The following PAK3 variants were observed in gnomAD, a reference collection of about 807,000 sequenced individuals.
PAK3 encodes p21 (RAC1) activated kinase 3, also known as serine/threonine-protein kinase PAK 3.
A neutral mutation model predicts 41.0 loss-of-function variants in PAK3; 4 were observed. That is an observed-to-expected ratio of 0.10 (90% CI 0.05 to 0.22). The LOEUF (loss-of-function observed/expected upper bound fraction) is 0.22, where lower values mean the gene tolerates loss of function less well. PAK3 is among the 10% of genes least tolerant of loss of function. The pLI, the probability that PAK3 is intolerant of heterozygous loss-of-function variation, is 1.00. For missense variants in PAK3, 205 were observed against 409.9 expected, an observed-to-expected ratio of 0.50 and a Z score of 4.32; for synonymous variants, 146 against 139.6, an observed-to-expected ratio of 1.05 and a Z score of -0.32.
intron 8 of PAK3, among the ~76,000 whole-genome samples, chrX:111,155,484 G>C (rs2094093246): frequency 9.7e-6 from 1 of 102,983 alleles, no homozygotes; most frequent in South Asian, 4.7e-4. Flanking sequence ...CTGGGTGACA[G>C]AGCAAAACCC....
intron 16 of PAK3, among the ~76,000 whole-genome samples, chrX:111,213,529 AAT>A (rs2094843549): frequency 8.9e-6 from 1 of 112,279 alleles, no homozygotes; most frequent in East Asian, 2.8e-4. Context: ...TGTGGAATAG[AAT>A]ATATTAAGCT....
At chrX:111,081,498 CTGT>C (rs2092834794) in intron 1 of PAK3, among the ~76,000 whole-genome samples, 1 of 110,473 alleles carries the variant, frequency 9.1e-6, no homozygotes, top group Non-Finnish European at 1.9e-5. Context: ...GATTGAGACC[CTGT>C]CACAGGGTCT....
Position 110,960,537 on chromosome X carries a change from G to C in PAK3, c.-28+15909G>C, listed in dbSNP as rs888112007. Among the ~76,000 whole-genome samples, 7 of 111,516 alleles carry C rather than the reference G, an allele frequency of 6.3e-5. 1 individual carries two copies. Among genetic ancestry groups the C allele is most frequent in the African/African-American group, 9.8e-5 (3 of 30,647 alleles). ...AAGTCTAGCTTAAGCTGAGTTAGAA[G>C]GTGAGGTCAAGGAGGTAACATGGAG... On this transcript the variant is annotated intron_variant, in intron 1 of 14. Transcript: ENST00000425146.
intron 1 of PAK3, among the ~76,000 whole-genome samples, chrX:111,047,723 G>A (rs2092513615): frequency 9.0e-6 from 1 of 111,374 alleles, no homozygotes; most frequent in Non-Finnish European, 1.9e-5. Flanking sequence ...TATTTAGGAG[G>A]CCATGGGGAA....
At chrX:111,217,482 C>T in intron 17 of PAK3, 2 of 959,650 alleles carry the variant, frequency 2.1e-6, no homozygotes, top group Non-Finnish European at 2.7e-6. Context: ...GCGCATTAAC[C>T]ACAGATTGTC....
chrX:111,148,283 A>G (rs73264383), intron 7 of PAK3, among the ~76,000 whole-genome samples: 1 of 111,766 alleles, frequency 8.9e-6, no homozygotes, highest in Admixed American at 9.4e-5. Context: ...TTACACCATG[A>G]TGACACAGCA....
At chrX:110,973,766 T>G (rs947051007) in intron 1 of PAK3, among the ~76,000 whole-genome samples, 1 of 111,981 alleles carries the variant, frequency 8.9e-6, no homozygotes, top group African/African-American at 3.2e-5. Context: ...AGACACAGAC[T>G]GGCAAATTGG....
chrX:111,193,782 A>C (rs2094585055), intron 13 of PAK3, among the ~76,000 whole-genome samples: 1 of 111,177 alleles, frequency 9.0e-6, no homozygotes, highest in Non-Finnish European at 1.9e-5. Context: ...CAAAAACAAA[A>C]AAAAACAAAA....
At chrX:111,166,094 C>T (rs905999589) in intron 10 of PAK3, among the ~76,000 whole-genome samples, 5 of 110,798 alleles carry the variant, frequency 4.5e-5, no homozygotes, top group African/African-American at 1.6e-4. Flanking sequence ...CAGGGTGAAC[C>T]TGCTGAGAAG....
intron 1 of PAK3, among the ~76,000 whole-genome samples, chrX:111,038,776 T>C (rs963489118): frequency 6.2e-5 from 7 of 112,330 alleles, no homozygotes; most frequent in Non-Finnish European, 1.1e-4. Flanking sequence ...AAATCTTTAA[T>C]GTTTATAATT....
rs1337325843 is a variant in PAK3 at position 111,125,192 on chromosome X, A to G, written c.175+1914A>G. 2.7e-5 allele frequency among the ~76,000 whole-genome samples: 3 copies of G among 112,026 alleles called. No individual in the cohort carries two copies. In the South Asian group the frequency reaches 1.1e-3, roughly 42 times the overall value. On this transcript the variant is annotated intron_variant, in intron 5 of 17. Coordinates refer to ENST00000372007, the MANE Select transcript of PAK3 (RefSeq NM_002578.5). ...GATTTTTAATGGGTTTTCAGGAGATAACTTCCCAAAGAGGCATTAGATAGT... is the reference window on the plus strand; with the variant it reads ...GATTTTTAATGGGTTTTCAGGAGATGACTTCCCAAAGAGGCATTAGATAGT...
intron 1 of PAK3, among the ~76,000 whole-genome samples, chrX:111,059,109 G>A (rs1431448493): frequency 2.3e-5 from 2 of 86,662 alleles, no homozygotes; most frequent in Admixed American, 1.5e-4. Flanking sequence ...TGAATTTTAG[G>A]ATCAACTTTT....
intron 16 of PAK3, among the ~76,000 whole-genome samples, chrX:111,197,019 A>G (rs539513714): frequency 3.7e-5 from 4 of 108,611 alleles, no homozygotes; most frequent in Middle Eastern, 4.7e-3. Flanking sequence ...AGATTATTTC[A>G]TCTCCCAGGT....
chrX:111,174,426 C>A (rs2094383378), intron 11 of PAK3, among the ~76,000 whole-genome samples: 1 of 111,242 alleles, frequency 9.0e-6, no homozygotes, highest in Non-Finnish European at 1.9e-5. Flanking sequence ...CAGTCAAAAC[C>A]ATAATGACAT....
At chrX:111,163,775 T>TA (rs774626888) in intron 10 of PAK3, 48 bp downstream of exon 10, 1 of 991,226 alleles carries the variant, frequency 1.0e-6, no homozygotes, top group Non-Finnish European at 1.4e-6. Context: ...GTGTTTCTCA[T>TA]AAGCCATTTA....
intron 1 of PAK3, among the ~76,000 whole-genome samples, chrX:110,980,209 G>T (rs1283409096): frequency 8.9e-6 from 1 of 111,914 alleles, no homozygotes; most frequent in East Asian, 2.8e-4. Context: ...CACACACTCA[G>T]ATAATCTGTT....
At chrX:111,044,039 A>T (rs915343854) in intron 1 of PAK3, among the ~76,000 whole-genome samples, 1 of 112,139 alleles carries the variant, frequency 8.9e-6, no homozygotes, top group African/African-American at 3.2e-5. Context: ...TTTTAAGAAG[A>T]TTTTTAAAAA....
intron 1 of PAK3, among the ~76,000 whole-genome samples, chrX:110,974,654 C>CA (rs1480849403): frequency 9.0e-6 from 1 of 111,055 alleles, no homozygotes; most frequent in Non-Finnish European, 1.9e-5. Flanking sequence ...AGAGACACAA[C>CA]AAAAAAAGAG....
At chrX:111,035,532 T>G (rs2092391424) in intron 1 of PAK3, among the ~76,000 whole-genome samples, 1 of 111,839 alleles carries the variant, frequency 8.9e-6, no homozygotes, top group Non-Finnish European at 1.9e-5. Flanking sequence ...TGGTGTGGTG[T>G]GCCAGCAGGC....
Sources: allele counts gnomAD v4.1 joint callset (sites outside exome capture counted in the v4.1 genomes callset), GRCh38; gene constraint gnomAD v4.1.1; transcripts MANE v1.5; gene names NCBI Gene and HGNC (gene_info 2026-07-23, HGNC 2026-07-21).